CCDC39: variants seen among roughly 807,000 people sequenced by gnomAD.
The protein encoded by CCDC39 is coiled-coil domain 39 molecular ruler complex subunit, also known as coiled-coil domain-containing protein 39.
Under a neutral mutation model 121.0 loss-of-function variants are expected in CCDC39, and 113 were observed. The ratio of observed to expected loss-of-function variants is 0.93; its 90% CI spans 0.80 to 1.09. The LOEUF (loss-of-function observed/expected upper bound fraction) is 1.09, where lower values mean the gene tolerates loss of function less well. CCDC39 is among the 50% of genes least tolerant of loss of function. The pLI is 0.00. For synonymous variants in CCDC39, 349 were observed against 352.2 expected, an observed-to-expected ratio of 0.99 and a Z score of 0.10; for missense variants, 1,063 against 1,074.7, an observed-to-expected ratio of 0.99 and a Z score of 0.15.
At chr3:180,652,290 A>G (rs1466116645) in intron 7 of CCDC39, 24 bp from the exon 8 acceptor site, 1 of 1,296,596 alleles carries the variant, frequency 7.7e-7, no homozygotes, top group Non-Finnish European at 1.1e-6. Flanking sequence ...AACAGACAGA[A>G]ATTATATATT....
At chr3:180,668,600 T>C (rs1711951526) in intron 1 of CCDC39, among the ~76,000 whole-genome samples, 1 of 152,178 alleles carries the variant, frequency 6.6e-6, no homozygotes, top group Non-Finnish European at 1.5e-5. Context: ...GGCAACCTTT[T>C]CACATTTAGT....
chr3:180,669,630 G>A (rs1018534211), intron 1 of CCDC39, among the ~76,000 whole-genome samples: 3 of 152,032 alleles, frequency 2.0e-5, no homozygotes, highest in Admixed American at 2.0e-4. Flanking sequence ...CACTTCCACT[G>A]ATTAGGTACT....
intron 1 of CCDC39, among the ~76,000 whole-genome samples, chr3:180,673,846 G>A (rs890505834): frequency 5.9e-5 from 9 of 151,792 alleles, no homozygotes; most frequent in South Asian, 2.1e-4. Context: ...AGGAATAGAA[G>A]AGTACCTTGA....
At chr3:180,659,271 T>C (rs1258225085) in intron 6 of CCDC39, among the ~76,000 whole-genome samples, 181 bp downstream of exon 6, 1 of 152,234 alleles carries the variant, frequency 6.6e-6, no homozygotes, top group Non-Finnish European at 1.5e-5. Context: ...TACACTCAAA[T>C]AATCTTCATC....
chr3:180,667,289 A>G (rs937339577), intron 1 of CCDC39, among the ~76,000 whole-genome samples: 25 of 152,220 alleles, frequency 1.6e-4, no homozygotes, highest in African/African-American at 5.5e-4. Flanking sequence ...AAACTATTCT[A>G]TCAAAATAAG....
At chr3:180,658,283 A>T (rs1356602860) in intron 6 of CCDC39, among the ~76,000 whole-genome samples, 2 of 98,090 alleles carry the variant, frequency 2.0e-5, no homozygotes, top group African/African-American at 3.9e-5. Flanking sequence ...GAACCTCCTT[A>T]AAAAAAAAAA....
intron 13 of CCDC39, 25 bp from the exon 14 acceptor site, chr3:180,631,617 A>G: frequency 6.3e-7 from 1 of 1,582,770 alleles, no homozygotes; most frequent in Non-Finnish European, 8.6e-7. Flanking sequence ...AAACACTGAG[A>G]AATGAATAAC....
intron 14 of CCDC39, among the ~76,000 whole-genome samples, chr3:180,625,569 G>C (rs1431417790): frequency 6.6e-6 from 1 of 151,898 alleles, no homozygotes; most frequent in Non-Finnish European, 1.5e-5. Flanking sequence ...CTTTTTCATG[G>C]TTCCTGTGTC....
rs111351731 is a variant in CCDC39, at chr3:180,649,100, T to C, written c.1168-741A>G. On this transcript the variant is annotated intron_variant, in intron 9 of 19. Transcript: ENST00000476379. ...ATATAATCTCATTTTTAATCATAGC[T>C]GTATTTAGGAAAATTTCTAAAAATT... 2.2e-3 allele frequency among the ~76,000 whole-genome samples: 330 copies of C among 152,294 alleles called. 1 individual carries two copies. The highest frequency in any genetic ancestry group is 6.8e-3 in the Middle Eastern group (2 of 294).
intron 6 of CCDC39, among the ~76,000 whole-genome samples, chr3:180,656,633 A>G (rs531720874): frequency 1.3e-5 from 2 of 152,314 alleles, no homozygotes; most frequent in South Asian, 2.1e-4. Context: ...CAGACAGGCA[A>G]TCTAAGTCAC....
At chr3:180,656,513 A>C (rs1409761775) in intron 6 of CCDC39, among the ~76,000 whole-genome samples, 1 of 152,180 alleles carries the variant, frequency 6.6e-6, no homozygotes, top group Admixed American at 6.5e-5. Flanking sequence ...TTAGGAGATA[A>C]AATATTCCAC....
chr3:180,631,854 T>A (rs1560084009), intron 13 of CCDC39, among the ~76,000 whole-genome samples: 1 of 152,330 alleles, frequency 6.6e-6, no homozygotes, highest in East Asian at 1.9e-4. Flanking sequence ...GGATCTGATA[T>A]TTACCCTACT....
In CCDC39 at chr3:180,648,411, T is replaced by C. The variant is rs977142371; in HGVS notation, c.1168-52A>G. 4 of 1,182,464 alleles carry C rather than the reference T, an allele frequency of 3.4e-6. No homozygotes were observed. The African/African-American group carries it at 4.7e-5, about 14-fold the overall frequency. The allele number at this position is 1,182,464 out of a possible 1,614,324, so 73.2% of individuals were successfully genotyped here. A position where few individuals can be genotyped will look rare whatever the true frequency, so the allele number is the denominator to read the frequency against. ...TGGAATTAAATATATTGAAATGTTGTATTTATATGAACATAATAATTTAGA... is the reference window on the plus strand; with the variant it reads ...TGGAATTAAATATATTGAAATGTTGCATTTATATGAACATAATAATTTAGA... On this transcript the variant is annotated intron_variant, in intron 9 of 19. Coordinates refer to ENST00000476379, the MANE Select transcript of CCDC39 (RefSeq NM_181426.2).
intron 6 of CCDC39, among the ~76,000 whole-genome samples, chr3:180,656,727 A>C (rs1029507762): frequency 5.9e-5 from 9 of 151,636 alleles, no homozygotes; most frequent in Admixed American, 4.6e-4. Context: ...ACCAGCTAAA[A>C]CCCCCCCTGA....
chr3:180,648,044 AG>A (rs1442310869), intron 10 of CCDC39, 120 bp downstream of exon 10: 1 of 736,620 alleles, frequency 1.4e-6, no homozygotes, highest in Admixed American at 2.8e-5. Flanking sequence ...TCTCACCTTC[AG>A]CATCTGTCTG....
At chr3:180,641,546 G>T (rs954900853) in intron 13 of CCDC39, among the ~76,000 whole-genome samples, 1 of 151,904 alleles carries the variant, frequency 6.6e-6, no homozygotes, top group Non-Finnish European at 1.5e-5. Context: ...TGTTAAGCAG[G>T]GTTGCTGAAT....
chr3:180,656,048 T>C (rs56770913), intron 6 of CCDC39, among the ~76,000 whole-genome samples: 3,329 of 152,324 alleles, frequency 0.022, 126 homozygotes, highest in African/African-American at 0.076. Context: ...ATTAAATGGC[T>C]ACACATCTGA....
chr3:180,642,120 G>C lies in CCDC39; in HGVS notation c.1747C>G (p.Leu583Val), dbSNP rs747263434. 3.1e-6 allele frequency: 5 copies of C among 1,612,754 alleles called. No homozygotes were observed. The Admixed American group carries it at 6.7e-5, about 22-fold the overall frequency. Residue 583 changes from leucine to valine, a missense_variant, in exon 13 of 20, where the codon CTT becomes GTT. Coordinates refer to ENST00000476379, the MANE Select transcript of CCDC39 (RefSeq NM_181426.2). Reference protein sequence around the residue: ...EMLHSKAEEVLSLEKRKQQLY... With the variant: ...EMLHSKAEEVVSLEKRKQQLY... ...TGCTGTTTTCTTTTTTCTAGGGAAA[G>C]AACTTCTTCTGCCTTACTGTGAAGC...
chr3:180,647,221 T>C lies in CCDC39; in HGVS notation c.1385A>G (p.Glu462Gly), dbSNP rs1440807208. 1 of 1,605,160 alleles carries C rather than the reference T, an allele frequency of 6.2e-7. No homozygotes were observed. Among genetic ancestry groups the C allele is most frequent in the East Asian group, 2.2e-5 (1 of 44,690 alleles). The change falls in exon 11 of 20, where the codon GAA (glutamate) becomes GGA (glycine). Residue 462 changes from glutamate (E) to glycine (G), a missense_variant. Transcript: ENST00000476379. ...TCCCTTTAACCGTGACATTCTCCGT[T>C]CCACTTGTTGAATGTGAAAATCCTG... ...YSQDFHIQQV[E>G]RRMSRLKGEI...
Sources: allele counts gnomAD v4.1 joint callset (sites outside exome capture counted in the v4.1 genomes callset), GRCh38; gene constraint gnomAD v4.1.1; transcripts MANE v1.5; gene names NCBI Gene and HGNC (gene_info 2026-07-23, HGNC 2026-07-21).